The following CDH18 variants were observed in gnomAD, a reference collection of about 807,000 sequenced individuals.
The protein encoded by CDH18 is cadherin 18, also known as cadherin-18.
A neutral mutation model predicts 67.9 loss-of-function variants in CDH18; 31 were observed. That is an observed-to-expected ratio of 0.46 (90% confidence interval 0.34 to 0.62). CDH18 has a LOEUF of 0.62. Ranked by LOEUF, CDH18 falls within the 20% of genes least tolerant of loss-of-function variation. The pLI, the probability that CDH18 is intolerant of heterozygous loss-of-function variation, is 0.01. For missense variants in CDH18, 890 were observed against 975.5 expected, an observed-to-expected ratio of 0.91 and a Z score of 1.17; for synonymous variants, 362 against 347.2, an observed-to-expected ratio of 1.04 and a Z score of -0.48.
intron 2 of CDH18, among the ~76,000 whole-genome samples, chr5:20,249,301 T>A (rs577534028): frequency 6.6e-6 from 1 of 152,030 alleles, no homozygotes; most frequent in Non-Finnish European, 1.5e-5. Flanking sequence ...TTCTTTTAAA[T>A]AAATAAATTT....
intron 7 of CDH18, among the ~76,000 whole-genome samples, chr5:19,582,895 C>T (rs1438412513): frequency 6.6e-6 from 1 of 151,150 alleles, no homozygotes; most frequent in Non-Finnish European, 1.5e-5. Context: ...AAACACAATC[C>T]ACTAAAAGAC....
chr5:20,465,807 A>G (rs1751594630), intron 1 of CDH18, among the ~76,000 whole-genome samples: 1 of 152,004 alleles, frequency 6.6e-6, no homozygotes, highest in African/African-American at 2.4e-5. Context: ...CCAGTTTTGC[A>G]TTAATGTAAA....
chr5:20,495,400 T>C (rs1224018091), intron 1 of CDH18, among the ~76,000 whole-genome samples: 2 of 151,982 alleles, frequency 1.3e-5, no homozygotes, highest in African/African-American at 4.8e-5. Flanking sequence ...CAAAAAAGAA[T>C]GCTTAAAGCA....
intron 2 of CDH18, among the ~76,000 whole-genome samples, chr5:20,121,398 C>T (rs1438976267): frequency 6.6e-6 from 1 of 151,850 alleles, no homozygotes; most frequent in Non-Finnish European, 1.5e-5. Context: ...TTCATGACTT[C>T]AGCTGCTTTT....
intron 1 of CDH18, among the ~76,000 whole-genome samples, chr5:20,263,728 C>T (rs1261428218): frequency 2.0e-5 from 3 of 152,084 alleles, no homozygotes; most frequent in Non-Finnish European, 4.4e-5. Context: ...TTCCATTTGG[C>T]AATTAAACTT....
chr5:20,116,042 C>T (rs929952517), intron 2 of CDH18, among the ~76,000 whole-genome samples: 1 of 152,056 alleles, frequency 6.6e-6, no homozygotes, highest in Non-Finnish European at 1.5e-5. Flanking sequence ...GACTTTTGCA[C>T]CAATTTAATG....
At chr5:20,017,046 C>T (rs917516857) in intron 2 of CDH18, among the ~76,000 whole-genome samples, 2 of 151,262 alleles carry the variant, frequency 1.3e-5, no homozygotes, top group African/African-American at 4.8e-5. Context: ...TTTAAAAATA[C>T]ATTTTCAAAA....
At chr5:20,033,114 T>C (rs1739545662) in intron 2 of CDH18, among the ~76,000 whole-genome samples, 1 of 151,958 alleles carries the variant, frequency 6.6e-6, no homozygotes, top group South Asian at 2.1e-4. Flanking sequence ...TGGTTTTCTT[T>C]AACCTGCAAT....
At chr5:20,482,439 C>A (rs1752878190) in intron 1 of CDH18, among the ~76,000 whole-genome samples, 1 of 151,814 alleles carries the variant, frequency 6.6e-6, no homozygotes, top group African/African-American at 2.4e-5. Context: ...TCTATGAGGC[C>A]AGTAATACCC....
intron 10 of CDH18, among the ~76,000 whole-genome samples, chr5:19,518,055 T>A (rs1490681691): frequency 6.6e-6 from 1 of 151,988 alleles, no homozygotes; most frequent in African/African-American, 2.4e-5. Context: ...GATGTATGCA[T>A]CCATTTTTAA....
chr5:20,186,195 C>A (rs1214212694), intron 2 of CDH18, among the ~76,000 whole-genome samples: 1 of 151,838 alleles, frequency 6.6e-6, no homozygotes, highest in Non-Finnish European at 1.5e-5. Flanking sequence ...AACTACAAGA[C>A]AATTAGTAGA....
At chr5:20,207,796 T>G (rs1034321811) in intron 2 of CDH18, among the ~76,000 whole-genome samples, 2 of 151,964 alleles carry the variant, frequency 1.3e-5, no homozygotes, top group East Asian at 3.9e-4. Context: ...AATAATTATA[T>G]AAGCAAACGG....
At chr5:20,465,758 T>A (rs527773906) in intron 1 of CDH18, among the ~76,000 whole-genome samples, 4 of 152,152 alleles carry the variant, frequency 2.6e-5, no homozygotes, top group Non-Finnish European at 2.9e-5. Context: ...TGAGAAACTA[T>A]AAGGTTTGTA....
rs1436807423 is a variant in CDH18, at chr5:19,472,788, TA to T, written c.*437del. ...CTCAAGGTTTCACCCAGAAAAGTGA[TA>T]AAAGAGGTTGTGATTACCTTCACAA... is the stretch of plus-strand genomic sequence containing the variant. On this transcript the variant is annotated 3_prime_UTR_variant, in exon 13 of 13. Transcript: ENST00000382275. 6.6e-6 allele frequency among the ~76,000 whole-genome samples: 1 copy of T among 152,098 alleles called. No homozygotes were observed. Among genetic ancestry groups the T allele is most frequent in the Non-Finnish European group, 1.5e-5 (1 of 68,014 alleles).
At chr5:19,699,823 TATG>T (rs1427673421) in intron 5 of CDH18, among the ~76,000 whole-genome samples, 2 of 152,098 alleles carry the variant, frequency 1.3e-5, no homozygotes, top group Non-Finnish European at 2.9e-5. Flanking sequence ...CCACCCAGTC[TATG>T]ATATCATTAA....
upstream of CDH18, chr5:19,992,011 C>G (rs1358900721): frequency 7.3e-6 from 1 of 136,328 alleles, no homozygotes; most frequent in African/African-American, 2.8e-5. Context: ...GAGCGAGATT[C>G]CATCTCAAAA....
intron 9 of CDH18, among the ~76,000 whole-genome samples, chr5:19,532,490 T>C (rs1264007625): frequency 6.6e-6 from 1 of 152,196 alleles, no homozygotes; most frequent in Non-Finnish European, 1.5e-5. Flanking sequence ...TATTTGTATA[T>C]GTGTGAGTGC....
At chr5:20,218,887 G>A (rs1411405771) in intron 2 of CDH18, among the ~76,000 whole-genome samples, 3 of 109,338 alleles carry the variant, frequency 2.7e-5, no homozygotes, top group Non-Finnish European at 6.4e-5. Context: ...CGTACTAAGA[G>A]GGGAGTTTAT....
intron 1 of CDH18, among the ~76,000 whole-genome samples, chr5:20,488,741 G>A (rs1211858962): frequency 6.7e-6 from 1 of 148,630 alleles, no homozygotes; most frequent in Admixed American, 6.8e-5. Context: ...TTCCTTGAAG[G>A]AGGAATAATA....
Sources: allele counts gnomAD v4.1 joint callset (sites outside exome capture counted in the v4.1 genomes callset), GRCh38; gene constraint gnomAD v4.1.1; transcripts MANE v1.5; gene names NCBI Gene and HGNC (gene_info 2026-07-23, HGNC 2026-07-21).